Variants in THSD7B observed in about 807,000 individuals in gnomAD.
THSD7B encodes thrombospondin type 1 domain containing 7B.
THSD7B carries 138 observed loss-of-function variants against 213.6 expected under a neutral mutation model. The ratio of observed to expected loss-of-function variants is 0.65; its 90% CI spans 0.56 to 0.74. The LOEUF is 0.74. Ranked by LOEUF, THSD7B falls within the 30% of genes least tolerant of loss-of-function variation. The pLI is 0.00. For synonymous variants in THSD7B, 742 were observed against 687.0 expected (o/e 1.08, Z -1.25); for missense variants, 1,931 against 1,991.5 (o/e 0.97, Z 0.58).
intron 1 of THSD7B, among the ~76,000 whole-genome samples, chr2:136,824,480 G>A (rs960147482): frequency 6.6e-6 from 1 of 152,020 alleles, no homozygotes; most frequent in Non-Finnish European, 1.5e-5. Context: ...TCTTTTTAAA[G>A]GGCTGTTCCT....
intron 2 of THSD7B, among the ~76,000 whole-genome samples, chr2:137,039,857 G>C (rs1310668609): frequency 6.6e-6 from 1 of 152,184 alleles, no homozygotes; most frequent in Non-Finnish European, 1.5e-5. Context: ...ATGAATGTAA[G>C]CATTTAAGGC....
intron 2 of THSD7B, among the ~76,000 whole-genome samples, chr2:136,996,148 C>T (rs1278134065): frequency 6.6e-6 from 1 of 152,174 alleles, no homozygotes; most frequent in Non-Finnish European, 1.5e-5. Flanking sequence ...TGCAGAGATG[C>T]TGCTGTAGCA....
intron 3 of THSD7B, among the ~76,000 whole-genome samples, chr2:137,089,408 A>G (rs1489853726): frequency 6.7e-6 from 1 of 148,750 alleles, no homozygotes; most frequent in East Asian, 2.0e-4. Context: ...ATATACATAT[A>G]CACACACATA....
chr2:136,940,002 C>T (rs1232171554), intron 2 of THSD7B, among the ~76,000 whole-genome samples: 2 of 152,104 alleles, frequency 1.3e-5, no homozygotes. Flanking sequence ...GCCAGGAAGT[C>T]CTTCCTTCTG....
chr2:137,532,800 CT>C (rs1360298239), intron 15 of THSD7B, among the ~76,000 whole-genome samples: 1 of 151,316 alleles, frequency 6.6e-6, no homozygotes, highest in Non-Finnish European at 1.5e-5. Context: ...TAAAACAAAC[CT>C]GTAAACTAGC....
At chr2:137,454,819 C>T (rs144598910) in intron 15 of THSD7B, among the ~76,000 whole-genome samples, 88 of 152,056 alleles carry the variant, frequency 5.8e-4, no homozygotes, top group African/African-American at 2.0e-3. Flanking sequence ...GTCTCCTGTC[C>T]AATTTGTTTC....
intron 17 of THSD7B, among the ~76,000 whole-genome samples, chr2:137,588,760 CTTTATTTA>C (rs137892635): frequency 0.022 from 3,272 of 147,060 alleles, 76 homozygotes; most frequent in African/African-American, 0.058. Context: ...TCATGTTGTC[CTTTATTTA>C]TTTATTTATT....
At position 137,615,577 on chromosome 2, in the gene THSD7B, G is replaced by A. The variant is rs76309939; in HGVS notation, c.3424-598G>A. On this transcript the variant is annotated intron_variant, in intron 17 of 27. Coordinates refer to ENST00000409968, the MANE Select transcript of THSD7B (RefSeq NM_001316349.2). The stretch of plus-strand genomic sequence containing the variant: ...ATGATATTTGCAGGATATCTTTGGA[G>A]TTCACATTTTCACATTAATTTTGCC... 1.7e-3 allele frequency among the ~76,000 whole-genome samples: 262 copies of A among 152,308 alleles called. 3 individuals carry two copies. In the East Asian group the frequency reaches 0.043, roughly 25 times the overall value.
intron 2 of THSD7B, among the ~76,000 whole-genome samples, chr2:137,053,420 A>G (rs1173893774): frequency 6.6e-6 from 1 of 152,164 alleles, no homozygotes; most frequent in Non-Finnish European, 1.5e-5. Flanking sequence ...TCTTCATTTG[A>G]TCTTAGCCAA....
chr2:137,487,012 A>G (rs952365459), intron 15 of THSD7B, among the ~76,000 whole-genome samples: 4 of 151,324 alleles, frequency 2.6e-5, no homozygotes, highest in African/African-American at 9.8e-5. Flanking sequence ...AGGGAAATTT[A>G]TAGCACTGAA....
intron 12 of THSD7B, among the ~76,000 whole-genome samples, chr2:137,397,345 T>C (rs997893653): frequency 6.6e-6 from 1 of 152,124 alleles, no homozygotes; most frequent in Admixed American, 6.5e-5. Context: ...CAGGAGCTCT[T>C]TTAGGGCAGG....
At chr2:137,617,408 G>T (rs1682426630) in intron 18 of THSD7B, among the ~76,000 whole-genome samples, 2 of 152,056 alleles carry the variant, frequency 1.3e-5, no homozygotes. Flanking sequence ...AATTAACTTT[G>T]GGATAATTTA....
chr2:137,487,049 C>G (rs1050583929), intron 15 of THSD7B, among the ~76,000 whole-genome samples: 28 of 150,400 alleles, frequency 1.9e-4, no homozygotes, highest in African/African-American at 6.7e-4. Flanking sequence ...CAGAAAAGAT[C>G]CAAAATTGAC....
intron 2 of THSD7B, among the ~76,000 whole-genome samples, chr2:137,042,228 T>G (rs757433348): frequency 6.6e-6 from 1 of 152,220 alleles, no homozygotes; most frequent in Non-Finnish European, 1.5e-5. Flanking sequence ...AGTGCTAGGC[T>G]TTGGATGGGA....
intron 1 of THSD7B, among the ~76,000 whole-genome samples, chr2:136,817,600 C>A (rs1418835182): frequency 6.6e-6 from 1 of 150,730 alleles, no homozygotes; most frequent in African/African-American, 2.4e-5. Flanking sequence ...GTTTTCCCAG[C>A]ACCATTTATT....
intron 7 of THSD7B, among the ~76,000 whole-genome samples, chr2:137,204,574 A>T (rs1558957444): frequency 6.6e-6 from 1 of 152,142 alleles, no homozygotes; most frequent in African/African-American, 2.4e-5. Context: ...TTTCAGAAAT[A>T]AGATGCCATT....
chr2:137,384,559 C>T (rs1428356683), intron 12 of THSD7B, among the ~76,000 whole-genome samples: 1 of 151,940 alleles, frequency 6.6e-6, no homozygotes, highest in African/African-American at 2.4e-5. Flanking sequence ...CATGACTTCC[C>T]CTGACTCAGG....
chr2:137,564,490 G>A (rs549341630), intron 16 of THSD7B, among the ~76,000 whole-genome samples: 14 of 152,224 alleles, frequency 9.2e-5, no homozygotes, highest in African/African-American at 3.4e-4. Context: ...AGATGCTCAG[G>A]CTGTTGCAAA....
intron 2 of THSD7B, among the ~76,000 whole-genome samples, chr2:136,942,437 G>A (rs917360844): frequency 1.3e-4 from 20 of 151,972 alleles, no homozygotes; most frequent in African/African-American, 4.8e-4. Context: ...AAATTATCTT[G>A]GGCAGTAAGG....
Sources: allele counts gnomAD v4.1 joint callset (sites outside exome capture counted in the v4.1 genomes callset), GRCh38; gene constraint gnomAD v4.1.1; transcripts MANE v1.5; gene names NCBI Gene and HGNC (gene_info 2026-07-23, HGNC 2026-07-21).